Variants in FBN1 observed in about 807,000 individuals in gnomAD.
FBN1 encodes fibrillin-1.
In FBN1, 29 loss-of-function variants were observed where a neutral mutation model predicts 365.1. The observed-to-expected ratio is 0.08, with a 90% CI of 0.06 to 0.11. The LOEUF is 0.11. Among genes scored for constraint, FBN1 ranks in the 10% least tolerant of loss-of-function variants. The probability of loss-of-function intolerance (pLI) is 1.00; values close to 1 mark genes in which losing one functional copy is unlikely to be tolerated. For missense variants in FBN1, 2,476 were observed against 3,703.2 expected (o/e 0.67, Z 8.60); for synonymous variants, 1,210 against 1,270.5 (o/e 0.95, Z 1.01).
intron 4 of FBN1, 117 bp from the exon 5 acceptor site, chr15:48,600,351 T>A: frequency 1.3e-6 from 1 of 763,712 alleles, no homozygotes; most frequent in Non-Finnish European, 2.3e-6. Flanking sequence ...TCAGGATTCA[T>A]CTATTTTTAC....
At chr15:48,568,375 G>T (rs2044277738) in intron 6 of FBN1, among the ~76,000 whole-genome samples, 2 of 152,208 alleles carry the variant, frequency 1.3e-5, no homozygotes, top group Non-Finnish European at 2.9e-5. Context: ...CTTTAAATAA[G>T]TGGAGAGGCA....
chr15:48,514,341 C>T (rs2043784629), intron 12 of FBN1, among the ~76,000 whole-genome samples: 1 of 152,202 alleles, frequency 6.6e-6, no homozygotes, highest in African/African-American at 2.4e-5. Context: ...ACCTCACATT[C>T]CGCAACCCTG....
At chr15:48,481,602 A>C in intron 32 of FBN1, 53 bp downstream of exon 32, 1 of 1,575,250 alleles carries the variant, frequency 6.3e-7, no homozygotes, top group Non-Finnish European at 8.7e-7. Context: ...TATAATTATG[A>C]TACCAATCTC....
intron 6 of FBN1, among the ~76,000 whole-genome samples, chr15:48,569,323 A>T (rs956567578): frequency 6.6e-6 from 1 of 152,164 alleles, no homozygotes; most frequent in Non-Finnish European, 1.5e-5. Context: ...ACAGTAAAAT[A>T]GTTGTGAGAA....
chr15:48,459,776 A>G (rs2043267233), intron 43 of FBN1, among the ~76,000 whole-genome samples: 1 of 152,350 alleles, frequency 6.6e-6, no homozygotes, highest in Admixed American at 6.5e-5. Context: ...TTTATTTCAC[A>G]TCTGAAATTC....
rs180695879 is a variant in FBN1, at chr15:48,630,061, G to C, written c.164+14545C>G. 7.6e-4 allele frequency among the ~76,000 whole-genome samples: 115 copies of C among 152,292 alleles called. 1 individual carries two copies. Among genetic ancestry groups the C allele is most frequent in the African/African-American group, 2.6e-3 (107 of 41,548 alleles). ...ATAAGGTTACAGTTCACTAGATGAAGAATCCAAGAACAAATGACTTCACTA... is the reference window on the plus strand; with the variant it reads ...ATAAGGTTACAGTTCACTAGATGAACAATCCAAGAACAAATGACTTCACTA... On this transcript the variant is annotated intron_variant, in intron 2 of 65. Coordinates refer to ENST00000316623, the MANE Select transcript of FBN1 (RefSeq NM_000138.5).
rs759763430 is a variant in FBN1, at chr15:48,610,856, A to G, written c.248-30T>C. 9.5e-6 allele frequency: 15 copies of G among 1,582,904 alleles called. No individual in the cohort carries two copies. In the South Asian group the frequency reaches 1.2e-4, roughly 13 times the overall value. On this transcript the variant is annotated intron_variant, in intron 3 of 65. Coordinates refer to ENST00000316623, the MANE Select transcript of FBN1 (RefSeq NM_000138.5). ...GAATAAACCAGAGGTCTGTTAGCAC[A>G]TGGATTTGGAACACGATTTGTTATA...
intron 10 of FBN1, 130 bp downstream of exon 10, chr15:48,520,529 C>A: frequency 9.4e-7 from 1 of 1,060,294 alleles, no homozygotes; most frequent in Non-Finnish European, 1.3e-6. Context: ...TTTCCCTGGA[C>A]GTCATCTCTT....
chr15:48,469,381 C>T (rs900106686), intron 36 of FBN1, among the ~76,000 whole-genome samples: 2 of 151,978 alleles, frequency 1.3e-5, no homozygotes, highest in Non-Finnish European at 2.9e-5. Context: ...TCCCTGAGGT[C>T]GGCAAGGAGT....
At chr15:48,508,342 A>T (rs1202376219) in intron 15 of FBN1, among the ~76,000 whole-genome samples, 1 of 152,210 alleles carries the variant, frequency 6.6e-6, no homozygotes, top group Admixed American at 6.5e-5. Flanking sequence ...TTTGCTACAT[A>T]GCTTTTGACT....
At position 48,411,115 on chromosome 15, in the gene FBN1, T is replaced by A. The variant is rs1555393524; in HGVS notation, c.8491A>T (p.Ile2831Phe). 1 of 1,614,192 alleles carries A rather than the reference T, an allele frequency of 6.2e-7. No homozygotes were observed. The highest frequency in any genetic ancestry group is 8.5e-7 in the Non-Finnish European group (1 of 1,180,036). ...TTTTTATAAAGTGGAGTACTACTGA[T>A]TTGTAATGAATAGGTTCCAGCCACT... is the stretch of plus-strand genomic sequence containing the variant. Reference protein sequence around the residue: ...KPVAGTYSLQISSTPLYKKKE... With the variant: ...KPVAGTYSLQFSSTPLYKKKE... The change falls in exon 66 of 66, where the codon ATC becomes TTC. Residue 2831 changes from isoleucine to phenylalanine, a missense_variant. Coordinates refer to ENST00000316623, the MANE Select transcript of FBN1 (RefSeq NM_000138.5).
chr15:48,611,558 C>A (rs1159961239), intron 3 of FBN1, among the ~76,000 whole-genome samples: 1 of 152,184 alleles, frequency 6.6e-6, no homozygotes, highest in Non-Finnish European at 1.5e-5. Context: ...CCGCGTCCAG[C>A]CTATTGTAAA....
chr15:48,470,241 G>C (rs766202757), intron 36 of FBN1, among the ~76,000 whole-genome samples: 7 of 152,120 alleles, frequency 4.6e-5, no homozygotes, highest in Non-Finnish European at 8.8e-5. Flanking sequence ...GGGTAGGAAG[G>C]AGTGGGGTGG....
intron 6 of FBN1, among the ~76,000 whole-genome samples, chr15:48,583,183 T>C (rs2044408844): frequency 6.6e-6 from 1 of 152,240 alleles, no homozygotes. Context: ...GCATAGTGCC[T>C]GAGAAATACT....
chr15:48,435,810 G>GTGTGTA (rs1555395093), intron 53 of FBN1, among the ~76,000 whole-genome samples: 18 of 134,148 alleles, frequency 1.3e-4, no homozygotes, highest in South Asian at 2.5e-4. Flanking sequence ...GTGTGTGTGT[G>GTGTGTA]TATATATGCC....
At chr15:48,612,597 C>T (rs558582003) in intron 3 of FBN1, among the ~76,000 whole-genome samples, 93 of 152,274 alleles carry the variant, frequency 6.1e-4, no homozygotes, top group Admixed American at 2.7e-3. Flanking sequence ...CCTTCCTTTC[C>T]CCTCTGTCTA....
chr15:48,513,968 C>T (rs2043781799), intron 12 of FBN1, among the ~76,000 whole-genome samples: 1 of 152,152 alleles, frequency 6.6e-6, no homozygotes, highest in Admixed American at 6.6e-5. Flanking sequence ...GAGGACCAAA[C>T]AGACTAACAT....
At chr15:48,567,646 G>C (rs1163017409) in intron 6 of FBN1, among the ~76,000 whole-genome samples, 5 of 152,018 alleles carry the variant, frequency 3.3e-5, no homozygotes, top group Non-Finnish European at 5.9e-5. Flanking sequence ...GGAATGCAAG[G>C]TCAGTTTAAC....
intron 8 of FBN1, among the ~76,000 whole-genome samples, chr15:48,527,191 A>G (rs1259646401): frequency 6.6e-6 from 1 of 152,222 alleles, no homozygotes; most frequent in South Asian, 2.1e-4. Flanking sequence ...AAACATCCTG[A>G]ATGCTATGGA....
Sources: gnomAD v4.1 joint callset for allele counts (sites outside exome capture counted in the v4.1 genomes callset) on GRCh38, gnomAD v4.1.1 for gene constraint, MANE v1.5 for transcripts, NCBI Gene and HGNC (gene_info 2026-07-23, HGNC 2026-07-21) for gene names.